Variants in ITGA2B observed in about 807,000 individuals in gnomAD.
ITGA2B encodes the protein integrin subunit alpha 2b.
In ITGA2B, 91 loss-of-function variants were observed where a neutral mutation model predicts 142.0. That is an observed-to-expected ratio of 0.64 (90% CI 0.54 to 0.76). The LOEUF (loss-of-function observed/expected upper bound fraction) is 0.76. ITGA2B is among the 30% of genes least tolerant of loss of function. The pLI is 0.00. For missense variants in ITGA2B, 1,231 were observed against 1,350.8 expected (o/e 0.91, Z 1.39); for synonymous variants, 536 against 567.2 (o/e 0.94, Z 0.78).
intron 1 of ITGA2B, among the ~76,000 whole-genome samples, chr17:44,387,826 C>CA (rs980395817): frequency 0.2 from 5,018 of 24,624 alleles, 858 homozygotes; most frequent in African/African-American, 0.24. Flanking sequence ...AACCCCATCT[C>CA]AAAAAAAAAA....
chr17:44,380,226 G>A lies in ITGA2B; in HGVS notation c.1600+20C>T. The A allele has an allele frequency of 1.2e-6, 2 of 1,614,098 alleles. No homozygotes were observed. The highest frequency in any genetic ancestry group is 1.6e-4 in the Middle Eastern group (1 of 6,062). On this transcript the variant is annotated intron_variant, in intron 16 of 29. Coordinates refer to ENST00000262407, the MANE Select transcript of ITGA2B (RefSeq NM_000419.5). ...GGGAGTCCAAGCCCACCTCCCTCCT[G>A]CCCCCTTCATGCCACTCACATAGCT...
In ITGA2B at chr17:44,375,034, C is replaced by G. The variant is rs1184902687; in HGVS notation, c.2805G>C (p.Thr935=). ...EMARGQRAMV[T]VLAFLWLPSL... ...TGGGCAGCCACAGGAAGGCCAGCAC[C>G]GTGACCATGGCCCGCTGCCCGCGCG... Residue 935 remains threonine, a synonymous_variant, in exon 27 of 30, where the codon ACG becomes ACC. Coordinates refer to ENST00000262407, the MANE Select transcript of ITGA2B (RefSeq NM_000419.5). The G allele has an allele frequency of 1.9e-6, 3 of 1,545,382 alleles. No homozygotes were observed. Among genetic ancestry groups the G allele is most frequent in the Non-Finnish European group, 2.6e-6 (3 of 1,146,912 alleles).
In ITGA2B at chr17:44,385,565, AC is replaced by A. The variant is rs1469711487; in HGVS notation, c.559del (p.Val187TrpfsTer37). 4.4e-6 allele frequency: 7 copies of A among 1,590,860 alleles called. No individual in the cohort carries two copies. In the South Asian group the frequency reaches 7.8e-5, roughly 18 times the overall value. Reference protein sequence around the residue: ...CRGNTLSRIYVENDFSWDKRY... With the variant: ...CRGNTLSRIYXENDFSWDKRY... Reference sequence around the variant, plus strand: ...CTGGCGCTTACTAAAATCATTTTCCACGTAAATGCGGCTCAGGGTGTTCCCG... The same window carrying A: ...CTGGCGCTTACTAAAATCATTTTCCAGTAAATGCGGCTCAGGGTGTTCCCG... On this transcript the variant is annotated frameshift_variant, in exon 4 of 30. Transcript: ENST00000262407.
intron 29 of ITGA2B, 150 bp downstream of exon 29, chr17:44,374,204 C>T: frequency 1.3e-6 from 1 of 767,456 alleles, no homozygotes; most frequent in Non-Finnish European, 2.3e-6. Flanking sequence ...CCCCACTGGA[C>T]CGAGAATGAC....
intron 29 of ITGA2B, 160 bp downstream of exon 29, chr17:44,374,193 AC>A: frequency 4.1e-6 from 3 of 734,872 alleles, no homozygotes; most frequent in Non-Finnish European, 2.4e-6. Flanking sequence ...GGTGTGAGCC[AC>A]CCCACTGGAC....
At chr17:44,385,502 G>A (rs1248066092) in intron 4 of ITGA2B, 49 bp downstream of exon 4, 1 of 1,533,280 alleles carries the variant, frequency 6.5e-7, no homozygotes, top group Admixed American at 2.0e-5. Context: ...GATGGGGGCG[G>A]GGCCAAGCCG....
chr17:44,385,399 AGGGCTGGGGGACAGGGGCGG>A, intron 4 of ITGA2B, 64 bp from the exon 5 acceptor site: 2 of 1,541,468 alleles, frequency 1.3e-6, no homozygotes, highest in Non-Finnish European at 8.7e-7. Context: ...AGCCCGGAGG[AGGGCTGGGGGACAGGGGCGG>A]GGCCTTGAGT....
intron 9 of ITGA2B, 39 bp from the exon 10 acceptor site, chr17:44,384,177 C>A: frequency 6.2e-7 from 1 of 1,610,620 alleles, no homozygotes; most frequent in Non-Finnish European, 8.5e-7. Context: ...ATTCTTGTAC[C>A]CAAAGCAACC....
intron 1 of ITGA2B, 63 bp from the exon 2 acceptor site, chr17:44,386,194 C>A: frequency 6.5e-7 from 1 of 1,540,290 alleles, no homozygotes; most frequent in Non-Finnish European, 8.7e-7. Context: ...CTGGCGCCGG[C>A]GCTGGGAGCA....
Position 44,379,983 on chromosome 17 carries a change from A to G in ITGA2B, c.1752+19T>C. On this transcript the variant is annotated intron_variant, in intron 17 of 29. Coordinates refer to ENST00000262407, the MANE Select transcript of ITGA2B (RefSeq NM_000419.5). ...AAGTTCTACTCTCCCAGCCCTGCCAATCCCCTGCCTGGGCGTACTCGAAGG... is the reference window on the plus strand; with the variant it reads ...AAGTTCTACTCTCCCAGCCCTGCCAGTCCCCTGCCTGGGCGTACTCGAAGG... 1.2e-6 allele frequency: 2 copies of G among 1,613,026 alleles called. No individual in the cohort carries two copies. Among genetic ancestry groups the G allele is most frequent in the Non-Finnish European group, 1.7e-6 (2 of 1,180,018 alleles).
intron 11 of ITGA2B, 85 bp from the exon 12 acceptor site, chr17:44,383,789 G>C: frequency 6.4e-7 from 1 of 1,558,258 alleles, no homozygotes; most frequent in Non-Finnish European, 8.7e-7. Context: ...TTGCTCTCCT[G>C]TTCCTCCAGT....
chr17:44,372,330 C>G lies in ITGA2B; in HGVS notation c.*34G>C. The stretch of plus-strand genomic sequence containing the variant: ...GAAGGGGCGGTGCAGGTAGCACGCC[C>G]AACCCTCCTGCTAGAATAGTGTAGG... On this transcript the variant is annotated 3_prime_UTR_variant, in exon 30 of 30. Transcript: ENST00000262407. 1 of 1,610,780 alleles carries G rather than the reference C, an allele frequency of 6.2e-7. No homozygotes were observed. Among genetic ancestry groups the G allele is most frequent in the Non-Finnish European group, 8.5e-7 (1 of 1,177,010 alleles).
At chr17:44,375,177 T>TA (rs1317748754) in intron 26 of ITGA2B, 66 bp from the exon 27 acceptor site, 1 of 1,358,308 alleles carries the variant, frequency 7.4e-7, no homozygotes, top group Non-Finnish European at 1.0e-6. Context: ...CCCACCCCCT[T>TA]ACCCCCAGGA....
chr17:44,377,142 C>G, intron 21 of ITGA2B, 54 bp from the exon 22 acceptor site: 1 of 1,352,100 alleles, frequency 7.4e-7, no homozygotes, highest in Non-Finnish European at 1.0e-6. Flanking sequence ...TTAGGACAGC[C>G]CTGCCCTGAA....
At chr17:44,384,431 A>G in intron 8 of ITGA2B, 77 bp from the exon 9 acceptor site, 1 of 1,608,316 alleles carries the variant, frequency 6.2e-7, no homozygotes, top group South Asian at 1.1e-5. Flanking sequence ...TTCTGCACCC[A>G]GGGAAAAATG....
chr17:44,372,838 C>G (rs1047236597), intron 29 of ITGA2B, among the ~76,000 whole-genome samples: 1 of 152,008 alleles, frequency 6.6e-6, no homozygotes, highest in Admixed American at 6.6e-5. Flanking sequence ...CCGGGCTGGT[C>G]TCAAACTCCT....
chr17:44,380,286 C>G lies in ITGA2B; in HGVS notation c.1560G>C (p.Met520Ile), dbSNP rs1316178204. ...KTPVSCFNIQMCVGATGHNIP... is the reference protein window; with the variant it reads ...KTPVSCFNIQICVGATGHNIP... ...TGTTGTGCCCAGTGGCTCCAACACA[C>G]ATCTGGATGTTGAAGCTGCAAAGAC... Residue 520 changes from methionine to isoleucine, a missense_variant, in exon 16 of 30, where the codon ATG becomes ATC. Coordinates refer to ENST00000262407, the MANE Select transcript of ITGA2B (RefSeq NM_000419.5). 1 of 1,614,250 alleles carries G rather than the reference C, an allele frequency of 6.2e-7. No individual in the cohort carries two copies. The highest frequency in any genetic ancestry group is 1.7e-5 in the Admixed American group (1 of 60,032).
chr17:44,373,088 T>C (rs1211173526), intron 29 of ITGA2B, among the ~76,000 whole-genome samples: 1 of 152,136 alleles, frequency 6.6e-6, no homozygotes, highest in East Asian at 1.9e-4. Flanking sequence ...AGTCTCACTA[T>C]GCTGTCCCAA....
intron 25 of ITGA2B, 28 bp downstream of exon 25, chr17:44,375,805 C>A: frequency 1.9e-6 from 3 of 1,562,010 alleles, no homozygotes; most frequent in Non-Finnish European, 2.6e-6. Flanking sequence ...GGCCGCCTTC[C>A]CAGGTCTTTC....
Sources: gnomAD v4.1 joint callset for allele counts (sites outside exome capture counted in the v4.1 genomes callset) on GRCh38, gnomAD v4.1.1 for gene constraint, MANE v1.5 for transcripts, NCBI Gene and HGNC (gene_info 2026-07-23, HGNC 2026-07-21) for gene names.